The following DOCK2 variants were observed in gnomAD, a reference collection of about 807,000 sequenced individuals.
DOCK2 encodes dedicator of cytokinesis protein 2.
In DOCK2, 87 loss-of-function variants were observed where a neutral mutation model predicts 248.9. That is an observed-to-expected ratio of 0.35 (90% CI 0.29 to 0.42). The LOEUF (loss-of-function observed/expected upper bound fraction) is 0.42, where lower values mean the gene tolerates loss of function less well. Ranked by LOEUF, DOCK2 falls within the 10% of genes least tolerant of loss-of-function variation. DOCK2 has a pLI of 1.00. For synonymous variants in DOCK2, 805 were observed against 821.6 expected (o/e 0.98, Z 0.35); for missense variants, 1,747 against 2,300.2 (o/e 0.76, Z 4.92).
rs1757888645 is a variant in DOCK2, at chr5:170,077,826, T to C, written c.4983T>C (p.Pro1661=). ...CTGACTGCAGCACCCCCAGCAAGCC[T>C]ACCTCAGAGAGGTCAGTCCCTGCAC... is the stretch of plus-strand genomic sequence containing the variant. ...MNSDCSTPSK[P]TSESFDLELA... is the part of the protein sequence containing the mutation. The change falls in exon 48 of 52, where the codon CCT becomes CCC. Residue 1661 remains proline, a synonymous_variant. Coordinates refer to ENST00000520908, the MANE Select transcript of DOCK2 (RefSeq NM_004946.3). 1 of 1,612,968 alleles carries C rather than the reference T, an allele frequency of 6.2e-7. No homozygotes were observed. Among genetic ancestry groups the C allele is most frequent in the East Asian group, 2.2e-5 (1 of 44,848 alleles).
At chr5:170,062,263 G>A (rs1757360356) in intron 44 of DOCK2, among the ~76,000 whole-genome samples, 1 of 152,066 alleles carries the variant, frequency 6.6e-6, no homozygotes, top group African/African-American at 2.4e-5. Context: ...CACAGAAATG[G>A]TTTTAAAAGA....
intron 8 of DOCK2, 100 bp from the exon 9 acceptor site, chr5:169,689,152 C>A: frequency 9.2e-7 from 1 of 1,085,194 alleles, no homozygotes; most frequent in Non-Finnish European, 1.4e-6. Flanking sequence ...CCCCAGCAGC[C>A]AGTATGGTGT....
In DOCK2 at chr5:169,924,718, C is replaced by A. The variant is rs570287632; in HGVS notation, c.2800-58350C>A. Among the ~76,000 whole-genome samples the A allele has an allele frequency of 2.6e-5, 4 of 152,312 alleles. No individual in the cohort carries two copies. In the East Asian group the frequency reaches 7.7e-4, roughly 29 times the overall value. On this transcript the variant is annotated intron_variant, in intron 27 of 51. Transcript: ENST00000520908. Reference sequence around the variant, plus strand: ...CTGAGAGGCTTTTTTTGAAGGAGGGCTGAAAGTTGAATAATTAACAGGACA... The same window carrying A: ...CTGAGAGGCTTTTTTTGAAGGAGGGATGAAAGTTGAATAATTAACAGGACA...
intron 2 of DOCK2, among the ~76,000 whole-genome samples, chr5:169,665,000 G>A (rs264851): frequency 1.1e-4 from 15 of 142,542 alleles, no homozygotes; most frequent in Non-Finnish European, 1.2e-4. Context: ...TTATATATAA[G>A]TATCAGCATA....
intron 25 of DOCK2, among the ~76,000 whole-genome samples, chr5:169,787,657 T>A (rs925875481): frequency 1.3e-4 from 19 of 151,726 alleles, no homozygotes; most frequent in African/African-American, 4.6e-4. Flanking sequence ...TTCTCCTCAG[T>A]CAGTCCTCAT....
At position 169,937,617 on chromosome 5, in the gene DOCK2, TAAC is replaced by T. The variant is rs543842313; in HGVS notation, c.2800-45447_2800-45445del. Among the ~76,000 whole-genome samples, 297 of 142,024 alleles carry T rather than the reference TAAC, an allele frequency of 2.1e-3. 1 individual carries two copies. Among genetic ancestry groups the T allele is most frequent in the African/African-American group, 7.4e-3 (281 of 38,054 alleles). 93.2% of individuals were successfully genotyped at this position (142,024 alleles called of 152,430 possible). A position where few individuals can be genotyped will look rare whatever the true frequency, so the allele number is the denominator to read the frequency against. Reference sequence around the variant, plus strand: ...ATCTATATTAACTTGTTTAATCCCATAACAACCTATGAGGGAGATATAATTATT... The same window carrying T: ...ATCTATATTAACTTGTTTAATCCCATAACCTATGAGGGAGATATAATTATT... On this transcript the variant is annotated intron_variant, in intron 27 of 51. Transcript: ENST00000520908.
Position 169,689,280 on chromosome 5 carries a change from C to T in DOCK2, c.790C>T (p.Arg264Trp), listed in dbSNP as rs764798982. Residue 264 changes from arginine to tryptophan, a missense_variant, in exon 9 of 52, where the codon CGG (arginine) becomes TGG (tryptophan). This residue lies in a region of DOCK2 where 375 missense variants were observed against 510.9 expected (regional missense o/e 0.73). Coordinates refer to ENST00000520908, the MANE Select transcript of DOCK2 (RefSeq NM_004946.3). ...SENYLVRWGS[R>W]GFPKEIEMLN... Reference sequence around the variant, plus strand: ...GAACTACCTAGTGCGATGGGGCAGCCGGGGCTTCCCTAAGGAGATTGAGAT... The same window carrying T: ...GAACTACCTAGTGCGATGGGGCAGCTGGGGCTTCCCTAAGGAGATTGAGAT... The T allele has an allele frequency of 2.2e-5, 35 of 1,613,828 alleles. No individual in the cohort carries two copies. The East Asian group carries it at 2.9e-4, about 13-fold the overall frequency.
At chr5:169,991,239 C>T (rs772929945) in intron 29 of DOCK2, among the ~76,000 whole-genome samples, 6 of 152,204 alleles carry the variant, frequency 3.9e-5, no homozygotes, top group Non-Finnish European at 7.3e-5. Flanking sequence ...TCTCGGCTGC[C>T]TCCTGACACC....
rs115782070 is a variant in DOCK2, at chr5:170,002,950, C to A, written c.3073-5547C>A. 7.4e-3 allele frequency among the ~76,000 whole-genome samples: 1,132 copies of A among 152,250 alleles called. 11 individuals are homozygous for A. The highest frequency in any genetic ancestry group is 0.026 in the African/African-American group (1,073 of 41,554). On this transcript the variant is annotated intron_variant, in intron 30 of 51. Coordinates refer to ENST00000520908, the MANE Select transcript of DOCK2 (RefSeq NM_004946.3). Reference sequence around the variant, plus strand: ...AGGGCAGAAAGAAAAATCTGGGACCCTTTGAAGAATTTCTCTGACAATACG... The same window carrying A: ...AGGGCAGAAAGAAAAATCTGGGACCATTTGAAGAATTTCTCTGACAATACG...
At chr5:169,933,280 G>A (rs3890031) in intron 27 of DOCK2, among the ~76,000 whole-genome samples, 7,763 of 152,256 alleles carry the variant, frequency 0.051, 517 homozygotes, top group African/African-American at 0.15. Flanking sequence ...GTAGGACAGT[G>A]GCTGTCAGCC....
At chr5:169,993,687 G>T (rs1397156207) in intron 29 of DOCK2, among the ~76,000 whole-genome samples, 1 of 152,142 alleles carries the variant, frequency 6.6e-6, no homozygotes, top group Non-Finnish European at 1.5e-5. Flanking sequence ...AAATGCTGCA[G>T]ATACTCCACC....
intron 1 of DOCK2, among the ~76,000 whole-genome samples, chr5:169,644,496 TC>T (rs1757338760): frequency 6.6e-6 from 1 of 152,074 alleles, no homozygotes; most frequent in Admixed American, 6.5e-5. Context: ...CTCCGAGGTT[TC>T]TGGTCTGAAT....
At chr5:169,989,378 C>T (rs1778153055) in intron 29 of DOCK2, among the ~76,000 whole-genome samples, 1 of 152,178 alleles carries the variant, frequency 6.6e-6, no homozygotes, top group Non-Finnish European at 1.5e-5. Context: ...CTTCCATCTG[C>T]ACCTCACTCT....
At position 170,081,899 on chromosome 5, in the gene DOCK2, G is replaced by T; in HGVS notation, c.5345G>T (p.Arg1782Leu). ...TTGGATGAGGCCAACACATCTCCCC[G>T]CCTCAGCCAGACCTTCCTCCAACTC... The part of the protein sequence containing the change: ...PGLDEANTSP[R>L]LSQTFLQLSD... The change falls in exon 51 of 52, where the codon CGC becomes CTC. Residue 1782 changes from arginine (R) to leucine (L), a missense_variant. Physicochemically the swap from Arg to Leu is moderately radical, Grantham distance 102. This residue lies in a region of DOCK2 where 513 missense variants were observed against 586.1 expected (regional missense o/e 0.88). Coordinates refer to ENST00000520908, the MANE Select transcript of DOCK2 (RefSeq NM_004946.3). 6.2e-7 allele frequency: 1 copy of T among 1,613,924 alleles called. No homozygotes were observed. The highest frequency in any genetic ancestry group is 8.5e-7 in the Non-Finnish European group (1 of 1,179,994).
intron 22 of DOCK2, among the ~76,000 whole-genome samples, chr5:169,736,771 A>G (rs1241169618): frequency 6.6e-6 from 1 of 152,246 alleles, no homozygotes; most frequent in Non-Finnish European, 1.5e-5. Context: ...TACCTGTCCC[A>G]TGCATACTGG....
At chr5:169,883,146 A>G (rs770675876) in intron 27 of DOCK2, 162 of 1,551,378 alleles carry the variant, frequency 1.0e-4, no homozygotes, top group Admixed American at 2.2e-4. Flanking sequence ...ATTTTTCTGA[A>G]TCTAGTGGAG....
chr5:169,823,563 T>C (rs1314077038), intron 26 of DOCK2, among the ~76,000 whole-genome samples: 1 of 152,170 alleles, frequency 6.6e-6, no homozygotes, highest in African/African-American at 2.4e-5. Context: ...TTTGACAAAA[T>C]TCAGCAGCCC....
chr5:169,904,000 T>C (rs1300614702), intron 27 of DOCK2, among the ~76,000 whole-genome samples: 1 of 147,254 alleles, frequency 6.8e-6, no homozygotes, highest in East Asian at 2.0e-4. Flanking sequence ...GGCTGAGGCA[T>C]GAGAATTGCT....
At chr5:169,977,676 G>C (rs962334124) in intron 27 of DOCK2, among the ~76,000 whole-genome samples, 1 of 152,140 alleles carries the variant, frequency 6.6e-6, no homozygotes, top group Non-Finnish European at 1.5e-5. Flanking sequence ...AAGCTCTTTA[G>C]AGTACTGCCT....
Sources: allele counts gnomAD v4.1 joint callset (sites outside exome capture counted in the v4.1 genomes callset), GRCh38; gene constraint gnomAD v4.1.1; regional missense constraint gnomAD v4.1.1; transcripts MANE v1.5; gene names NCBI Gene and HGNC (gene_info 2026-07-23, HGNC 2026-07-21).